The following NACC2 variants were observed in gnomAD, a reference collection of about 807,000 sequenced individuals.
The protein encoded by NACC2 is NACC family member 2.
Under a neutral mutation model 25.1 loss-of-function variants are expected in NACC2, and 8 were observed. The ratio of observed to expected loss-of-function variants is 0.32; its 90% CI spans 0.19 to 0.57. NACC2 has a LOEUF of 0.57. Among genes scored for constraint, NACC2 ranks in the 20% least tolerant of loss-of-function variants. NACC2 has a pLI of 0.89. For missense variants in NACC2, 644 were observed against 650.2 expected (o/e 0.99, Z 0.10); for synonymous variants, 435 against 294.7 (o/e 1.48, Z -4.88).
chr9:136,051,557 G>A (rs1840837203), intron 1 of NACC2, among the ~76,000 whole-genome samples: 1 of 152,138 alleles, frequency 6.6e-6, no homozygotes. Context: ...ACTCCGCAGG[G>A]CCGCACAAAG....
chr9:136,057,127 G>T (rs1840936821), intron 1 of NACC2, among the ~76,000 whole-genome samples: 1 of 152,196 alleles, frequency 6.6e-6, no homozygotes, highest in African/African-American at 2.4e-5. Flanking sequence ...CTTGTGGGGT[G>T]CCCGTGGCGT....
chr9:136,091,642 A>G (rs911295193), intron 1 of NACC2, among the ~76,000 whole-genome samples: 4 of 152,160 alleles, frequency 2.6e-5, no homozygotes, highest in Non-Finnish European at 4.4e-5. Flanking sequence ...GACCCTATAC[A>G]AGGGTGTGTG....
intron 2 of NACC2, among the ~76,000 whole-genome samples, chr9:136,047,839 C>G (rs1840753309): frequency 6.6e-6 from 1 of 152,160 alleles, no homozygotes; most frequent in African/African-American, 2.4e-5. Flanking sequence ...TAAGGCTGAC[C>G]CAGCACCCAG....
chr9:136,009,405 GC>G lies in NACC2; in HGVS notation c.*2110del, dbSNP rs1840071385. ...TTCAGCAGAAGGTCTGGATGCCTCT[GC>G]ACCACTGAGCCACCTGCAGCCCTAG... is the stretch of plus-strand genomic sequence containing the variant. On this transcript the variant is annotated 3_prime_UTR_variant, in exon 6 of 6. Transcript: ENST00000277554. The G allele has an allele frequency of 6.6e-6, 1 of 152,314 alleles. No individual in the cohort carries two copies. The highest frequency in any genetic ancestry group is 2.4e-5 in the African/African-American group (1 of 41,460). 9.4% of individuals were successfully genotyped at this position (152,314 alleles called of 1,614,324 possible).
At chr9:136,068,367 T>C (rs1300591083) in intron 1 of NACC2, among the ~76,000 whole-genome samples, 1 of 150,028 alleles carries the variant, frequency 6.7e-6, no homozygotes, top group South Asian at 2.1e-4. Context: ...GGCATAGTGG[T>C]GTGTGCCTGT....
intron 1 of NACC2, among the ~76,000 whole-genome samples, chr9:136,065,450 T>G (rs1487729163): frequency 6.6e-6 from 1 of 152,092 alleles, no homozygotes; most frequent in East Asian, 1.9e-4. Flanking sequence ...TAAGATCCCG[T>G]CTCTACTAAA....
rs1195321886 is a variant in NACC2 at position 136,013,618 on chromosome 9, G to A, written c.1157+246C>T. Among the ~76,000 whole-genome samples the A allele has an allele frequency of 6.6e-6, 1 of 152,174 alleles. No homozygotes were observed. The highest frequency in any genetic ancestry group is 1.5e-5 in the Non-Finnish European group (1 of 68,032). ...CCATCAGCACAACAGAATAAGTGTG[G>A]CTCTTCATTTTTCTGTTGTGGGGGT... On this transcript the variant is annotated intron_variant, in intron 4 of 5. Transcript: ENST00000277554. The surrounding 1 kb of genome is among the most constrained non-coding windows in gnomAD (Gnocchi z 6.6).
At position 136,055,235 on chromosome 9, in the gene NACC2, G is replaced by A. The variant is rs551634702; in HGVS notation, c.-59-4655C>T. Reference sequence around the variant, plus strand: ...GCTCACTGGAACTGCAGCCAGACGCGCACACAGGGGTTGGGGCAGCGTCTC... The same window carrying A: ...GCTCACTGGAACTGCAGCCAGACGCACACACAGGGGTTGGGGCAGCGTCTC... On this transcript the variant is annotated intron_variant, in intron 1 of 5. Transcript: ENST00000277554. This position sits in a 1 kb window ranked among gnomAD's most constrained non-coding sequence, Gnocchi z 4.9. 3.7e-4 allele frequency among the ~76,000 whole-genome samples: 56 copies of A among 152,254 alleles called. No homozygotes were observed. The South Asian group carries it at 5.0e-3, about 14-fold the overall frequency.
At chr9:136,083,268 A>G (rs553997572) in intron 1 of NACC2, among the ~76,000 whole-genome samples, 10 of 152,250 alleles carry the variant, frequency 6.6e-5, no homozygotes, top group East Asian at 3.9e-4. Context: ...GGTACAGTCA[A>G]TGCTTCACCC....
In NACC2 at chr9:136,006,966, G is replaced by T. The variant is rs756856733; in HGVS notation, c.*4550C>A. The T allele has an allele frequency of 6.5e-6, 1 of 153,562 alleles. No homozygotes were observed. The highest frequency in any genetic ancestry group is 1.5e-5 in the Non-Finnish European group (1 of 68,208). The allele number at this position is 153,562 out of a possible 1,614,324, so 9.5% of individuals were successfully genotyped here. A position where few individuals can be genotyped will look rare whatever the true frequency, so the allele number is the denominator to read the frequency against. ...CCTAAACAGACTCTTTAAAACAACCGTCTCCTTTTTAAAAGTCTCTTTTTT... is the reference window on the plus strand; with the variant it reads ...CCTAAACAGACTCTTTAAAACAACCTTCTCCTTTTTAAAAGTCTCTTTTTT... On this transcript the variant is annotated 3_prime_UTR_variant, in exon 6 of 6. Coordinates refer to ENST00000277554, the MANE Select transcript of NACC2 (RefSeq NM_144653.5).
chr9:136,058,556 G>A (rs1161582081), intron 1 of NACC2, among the ~76,000 whole-genome samples: 1 of 152,152 alleles, frequency 6.6e-6, no homozygotes, highest in African/African-American at 2.4e-5. Context: ...ACATAAACAT[G>A]GGAATGACAG....
chr9:136,073,528 C>A (rs1269280184), intron 1 of NACC2, among the ~76,000 whole-genome samples: 3 of 151,962 alleles, frequency 2.0e-5, no homozygotes, highest in Non-Finnish European at 2.9e-5. Flanking sequence ...AGAGTATAGT[C>A]CTGCCCATCA....
At chr9:136,068,984 C>T (rs1158711811) in intron 1 of NACC2, among the ~76,000 whole-genome samples, 2 of 149,876 alleles carry the variant, frequency 1.3e-5, no homozygotes, top group Non-Finnish European at 2.9e-5. Flanking sequence ...ATGGCACAAT[C>T]TCGGCTCTGT....
Position 136,032,011 on chromosome 9 carries a change from G to A in NACC2, c.887-15582C>T, listed in dbSNP as rs11103279. ...TGAATGGGGGGCAAGGGTCGTCCTC[G>A]GCAGCACCCCTGGTGATCACTGCCC... On this transcript the variant is annotated intron_variant, in intron 2 of 5. Coordinates refer to ENST00000277554, the MANE Select transcript of NACC2 (RefSeq NM_144653.5). Among the ~76,000 whole-genome samples the A allele has an allele frequency of 5.1e-3, 757 of 149,872 alleles. 5 individuals are homozygous for A. The highest frequency in any genetic ancestry group is 0.018 in the African/African-American group (724 of 39,338).
intron 2 of NACC2, among the ~76,000 whole-genome samples, chr9:136,033,827 CG>C (rs1363290527): frequency 6.6e-6 from 1 of 150,978 alleles, no homozygotes; most frequent in African/African-American, 2.4e-5. Flanking sequence ...AGACCCAATA[CG>C]GTAAAAATGT....
In NACC2 at chr9:136,020,122, C is replaced by T. The variant is rs762167796; in HGVS notation, c.887-3693G>A. Among the ~76,000 whole-genome samples the T allele has an allele frequency of 2.0e-5, 3 of 152,166 alleles. No individual in the cohort carries two copies. The highest frequency in any genetic ancestry group is 2.1e-4 in the South Asian group (1 of 4,832). On this transcript the variant is annotated intron_variant, in intron 2 of 5. Coordinates refer to ENST00000277554, the MANE Select transcript of NACC2 (RefSeq NM_144653.5). The surrounding 1 kb of genome is among the most constrained non-coding windows in gnomAD (Gnocchi z 4.7). ...GAATGCGCTTAGCATCACCGAACCA[C>T]GCACGTAAAAGTCACTGCAACGGCC...
chr9:136,057,014 C>T (rs764273096), intron 1 of NACC2, among the ~76,000 whole-genome samples: 7 of 152,208 alleles, frequency 4.6e-5, no homozygotes, highest in Non-Finnish European at 7.3e-5. Flanking sequence ...AGCACAGCCC[C>T]CAGCCCCCAC....
At chr9:136,042,994 A>G (rs1417758599) in intron 2 of NACC2, among the ~76,000 whole-genome samples, 1 of 152,020 alleles carries the variant, frequency 6.6e-6, no homozygotes, top group Non-Finnish European at 1.5e-5. Context: ...ACACACAGAC[A>G]CAGTGTTGCC....
rs1012612991 is a variant in NACC2, at chr9:136,042,566, G to A, written c.886+7070C>T. On this transcript the variant is annotated intron_variant, in intron 2 of 5. Transcript: ENST00000277554. ...ACTACCTGACCCCTTCTGCAAAAACGAGCCCAACATGAACCATCCACTAGA... is the reference window on the plus strand; with the variant it reads ...ACTACCTGACCCCTTCTGCAAAAACAAGCCCAACATGAACCATCCACTAGA... Among the ~76,000 whole-genome samples the A allele has an allele frequency of 1.5e-3, 229 of 152,196 alleles. 5 individuals carry two copies. The highest frequency in any genetic ancestry group is 0.014 in the Admixed American group (218 of 15,272).
Sources: allele counts gnomAD v4.1 joint callset (sites outside exome capture counted in the v4.1 genomes callset), GRCh38; gene constraint gnomAD v4.1.1; non-coding constraint Gnocchi (gnomAD v3.1); transcripts MANE v1.5; gene names NCBI Gene and HGNC (gene_info 2026-07-23, HGNC 2026-07-21).